Variants in TNNT1 observed in about 807,000 individuals in gnomAD.
The protein encoded by TNNT1 is troponin T1, slow skeletal type.
A neutral mutation model predicts 50.6 loss-of-function variants in TNNT1; 53 were observed. That is an observed-to-expected ratio of 1.05 (90% confidence interval 0.84 to 1.32). The LOEUF is 1.32. Among genes scored for constraint, TNNT1 ranks in the 40% most tolerant of loss-of-function variants. TNNT1 has a pLI of 0.00. For synonymous variants in TNNT1, 142 were observed against 138.0 expected (o/e 1.03, Z -0.20); for missense variants, 348 against 381.7 (o/e 0.91, Z 0.74).
chr19:55,140,772 G>T, intron 9 of TNNT1, 111 bp downstream of exon 9: 2 of 776,228 alleles, frequency 2.6e-6, no homozygotes, highest in Non-Finnish European at 1.8e-6. Context: ...GCTAGACTCC[G>T]TTTCAAAGAA....
chr19:55,137,074 C>CA, intron 11 of TNNT1, 29 bp downstream of exon 11: 1 of 1,396,006 alleles, frequency 7.2e-7, no homozygotes, highest in Non-Finnish European at 1.0e-6. Flanking sequence ...ACCCAGGCCC[C>CA]TACACCCCGA....
intron 6 of TNNT1, among the ~76,000 whole-genome samples, chr19:55,144,820 A>G (rs1293987056): frequency 6.6e-6 from 1 of 152,184 alleles, no homozygotes; most frequent in Non-Finnish European, 1.5e-5. Context: ...GCGTCTTAAG[A>G]GTAGTGGGGA....
intron 4 of TNNT1, 45 bp downstream of exon 4, chr19:55,146,635 GC>G (rs772892687): frequency 8.3e-5 from 40 of 479,556 alleles, no homozygotes; most frequent in Admixed American, 1.6e-4. Flanking sequence ...CAGCGTCCCC[GC>G]CCCCCCACCC....
chr19:55,138,529 C>T (rs1467455388), intron 9 of TNNT1, among the ~76,000 whole-genome samples: 8 of 152,320 alleles, frequency 5.3e-5, no homozygotes, highest in South Asian at 4.1e-4. Context: ...CCGCCTGCCT[C>T]GGCCTCCCGG....
At chr19:55,134,786 G>A (rs1234645937) in intron 11 of TNNT1, among the ~76,000 whole-genome samples, 1 of 252 alleles carries the variant, frequency 4.0e-3, no homozygotes, top group African/African-American at 0.02. Flanking sequence ...AGAAGAAGGG[G>A]AGGGAGGGAG....
At position 55,138,090 on chromosome 19, in the gene TNNT1, G is replaced by A. The variant is rs2085386668; in HGVS notation, c.388-16C>T. 2 of 1,613,934 alleles carry A rather than the reference G, an allele frequency of 1.2e-6. No homozygotes were observed. The highest frequency in any genetic ancestry group is 1.7e-6 in the Non-Finnish European group (2 of 1,180,010). ...TCTTCTCCTCCTGTGGGAAGTAAGG[G>A]GTTAACCTCATGGACTCCCCTGTAG... On this transcript the variant is annotated splice_polypyrimidine_tract_variant and intron_variant, in intron 9 of 13. Transcript: ENST00000588981.
intron 5 of TNNT1, among the ~76,000 whole-genome samples, chr19:55,145,980 C>G (rs1386858128): frequency 9.3e-6 from 1 of 107,858 alleles, no homozygotes; most frequent in Non-Finnish European, 1.9e-5. Context: ...CCCCTGCCCA[C>G]CGCCCCACCG....
chr19:55,146,575 C>T, intron 4 of TNNT1, 106 bp downstream of exon 4: 1 of 1,205,598 alleles, frequency 8.3e-7, no homozygotes, highest in Non-Finnish European at 1.1e-6. Flanking sequence ...TGTTAGAGGA[C>T]CGGGAGCCGA....
intron 13 of TNNT1, among the ~76,000 whole-genome samples, 173 bp from the exon 14 acceptor site, chr19:55,133,133 G>A (rs1002204992): frequency 7.2e-5 from 11 of 152,140 alleles, no homozygotes; most frequent in Non-Finnish European, 8.8e-5. Context: ...GGGGGGCAGC[G>A]GCTGGTGGTC....
At position 55,132,937 on chromosome 19, in the gene TNNT1, C is replaced by T. The variant is rs533424787; in HGVS notation, c.815G>A (p.Arg272His). ...TCCTCACTTCCAGCGGCCTCCAACGCGGCCCTTCCCTGCCCCCTTCCGGCT... is the reference window on the plus strand; with the variant it reads ...TCCTCACTTCCAGCGGCCTCCAACGTGGCCCTTCCCTGCCCCCTTCCGGCT... ...QKFRKGAGKG[R>H]VGGRWK Residue 272 changes from arginine (R) to histidine (H), a missense_variant, in exon 14 of 14, where the codon CGC (arginine) becomes CAC (histidine). Coordinates refer to ENST00000588981, the MANE Select transcript of TNNT1 (RefSeq NM_003283.6). The T allele has an allele frequency of 8.1e-6, 13 of 1,603,784 alleles. No individual in the cohort carries two copies. The highest frequency in any genetic ancestry group is 8.0e-5 in the African/African-American group (6 of 74,958).
At chr19:55,144,691 ACAGG>A (rs1178719850) in intron 6 of TNNT1, among the ~76,000 whole-genome samples, 1 of 152,238 alleles carries the variant, frequency 6.6e-6, no homozygotes, top group Non-Finnish European at 1.5e-5. Context: ...GTATGAAAGC[ACAGG>A]CATGGCTAGA....
chr19:55,145,484 G>A lies in TNNT1; in HGVS notation c.128+60C>T, dbSNP rs200182650. Reference sequence around the variant, plus strand: ...TGCCTTTCTCACACCTTGTCTCTGGGGGTAGAGGGAATATTTAGGAAGATG... The same window carrying A: ...TGCCTTTCTCACACCTTGTCTCTGGAGGTAGAGGGAATATTTAGGAAGATG... On this transcript the variant is annotated intron_variant, in intron 6 of 13. Transcript: ENST00000588981. The A allele has an allele frequency of 5.0e-4, 781 of 1,548,714 alleles. 1 individual carries two copies. Among genetic ancestry groups the A allele is most frequent in the Non-Finnish European group, 6.5e-4 (727 of 1,122,290 alleles).
At chr19:55,133,717 T>C (rs1599869278) in intron 13 of TNNT1, 170 bp downstream of exon 13, 2 of 734,726 alleles carry the variant, frequency 2.7e-6, no homozygotes, top group Non-Finnish European at 4.6e-6. Context: ...AAAAAGGAAC[T>C]GAGACCCAGG....
chr19:55,134,689 AGT>A, intron 11 of TNNT1, among the ~76,000 whole-genome samples: 2 of 62,672 alleles, frequency 3.2e-5, no homozygotes, highest in African/African-American at 6.4e-5. Context: ...GAGAAAGGAA[AGT>A]GGGGAGGGGA....
intron 8 of TNNT1, 32 bp from the exon 9 acceptor site, chr19:55,140,992 G>A (rs370963692): frequency 3.1e-6 from 5 of 1,605,614 alleles, no homozygotes; most frequent in Non-Finnish European, 4.3e-6. Context: ...GGGGGTGCAG[G>A]GACGTACCCC....
intron 11 of TNNT1, among the ~76,000 whole-genome samples, chr19:55,136,309 A>G (rs2085345201): frequency 6.6e-6 from 1 of 151,498 alleles, no homozygotes; most frequent in Non-Finnish European, 1.5e-5. Context: ...CTGGTCTCCA[A>G]CTCCTGGCCT....
intron 6 of TNNT1, among the ~76,000 whole-genome samples, chr19:55,142,866 GA>G (rs1297969203): frequency 6.6e-6 from 1 of 151,336 alleles, no homozygotes; most frequent in African/African-American, 2.4e-5. Context: ...ATTTTTTGTA[GA>G]GATGGCGTTT....
In TNNT1 at chr19:55,139,784, T is replaced by C. The variant is rs370460504; in HGVS notation, c.387+1099A>G. Among the ~76,000 whole-genome samples, 30 of 150,006 alleles carry C rather than the reference T, an allele frequency of 2.0e-4. No homozygotes were observed. In the South Asian group the frequency reaches 5.7e-3, roughly 28 times the overall value. ...GAGTTTGGGAACAACGTGGGCAACA[T>C]AGAAAGACCCTATCTCAAATAAAAA... is the stretch of plus-strand genomic sequence containing the variant. On this transcript the variant is annotated intron_variant, in intron 9 of 13. Coordinates refer to ENST00000588981, the MANE Select transcript of TNNT1 (RefSeq NM_003283.6).
chr19:55,141,871 G>A lies in TNNT1; in HGVS notation c.178C>T (p.Arg60Cys), dbSNP rs766278869. The change falls in exon 7 of 14, where the codon CGC becomes TGC. Residue 60 changes from arginine (R) to cysteine (C), a missense_variant. Arg to Cys is a radical substitution (Grantham distance 180). This residue lies in a region of TNNT1 where 5 missense variants were observed against 19.1 expected (regional missense o/e 0.26). Transcript: ENST00000588981. ...LIPPKIPEGE[R>C]VDFDDIHRKR... ...TTGTCACTTACATCGAAGTCAACGC[G>A]CTCCCCTTCTGGGATCTTTGGCGGG... is the stretch of plus-strand genomic sequence containing the variant. 1.2e-6 allele frequency: 2 copies of A among 1,614,038 alleles called. No homozygotes were observed. Among genetic ancestry groups the A allele is most frequent in the African/African-American group, 1.3e-5 (1 of 75,028 alleles).
Sources: gnomAD v4.1 joint callset for allele counts (sites outside exome capture counted in the v4.1 genomes callset) on GRCh38, gnomAD v4.1.1 for gene constraint, gnomAD v4.1.1 regional missense constraint, MANE v1.5 for transcripts, NCBI Gene and HGNC (gene_info 2026-07-23, HGNC 2026-07-21) for gene names.